The following WDFY3 variants were observed in gnomAD, a reference collection of about 807,000 sequenced individuals.
The protein encoded by WDFY3 is WD repeat and FYVE domain containing 3.
In WDFY3, 66 loss-of-function variants were observed where a neutral mutation model predicts 409.6. That is an observed-to-expected ratio of 0.16 (90% CI 0.13 to 0.20). WDFY3 has a LOEUF of 0.20. Among genes scored for constraint, WDFY3 ranks in the 10% least tolerant of loss-of-function variants. The pLI, the probability that WDFY3 is intolerant of heterozygous loss-of-function variation, is 1.00. For missense variants in WDFY3, 3,031 were observed against 4,298.1 expected (o/e 0.71, Z 8.24); for synonymous variants, 1,521 against 1,537.1 (o/e 0.99, Z 0.25).
intron 27 of WDFY3, among the ~76,000 whole-genome samples, chr4:84,777,129 G>A (rs1030206794): frequency 6.6e-6 from 1 of 152,050 alleles, no homozygotes; most frequent in Non-Finnish European, 1.5e-5. Flanking sequence ...GTTATTAAGA[G>A]AAATAGAGAA....
At chr4:84,690,432 T>C in intron 61 of WDFY3, 74 bp downstream of exon 61, 1 of 1,600,964 alleles carries the variant, frequency 6.2e-7, no homozygotes, top group Non-Finnish European at 8.5e-7. Context: ...TTAAGGAAGC[T>C]TTTTACTTCC....
intron 50 of WDFY3, 100 bp from the exon 51 acceptor site, chr4:84,713,339 G>T: frequency 9.5e-7 from 1 of 1,047,936 alleles, no homozygotes; most frequent in Non-Finnish European, 1.5e-6. Flanking sequence ...TCATAGTTGC[G>T]TCTACCCTCC....
intron 3 of WDFY3, among the ~76,000 whole-genome samples, chr4:84,865,711 C>T (rs1474135066): frequency 6.6e-6 from 1 of 152,168 alleles, no homozygotes; most frequent in Admixed American, 6.5e-5. Context: ...CACTGCAAAC[C>T]CCACTGGAAT....
chr4:84,791,229 A>C (rs1262516752), intron 21 of WDFY3, among the ~76,000 whole-genome samples: 1 of 152,222 alleles, frequency 6.6e-6, no homozygotes, highest in Non-Finnish European at 1.5e-5. Context: ...GCCTTAAAGA[A>C]GAAAATTTTG....
chr4:84,843,514 T>C (rs575196966), intron 5 of WDFY3, among the ~76,000 whole-genome samples: 44 of 152,070 alleles, frequency 2.9e-4, no homozygotes, highest in African/African-American at 1.1e-3. Context: ...TCCGCCTCAG[T>C]CCCCCATGTA....
chr4:84,808,251 C>T lies in WDFY3; in HGVS notation c.2429+83G>A, dbSNP rs1751857391. 4 of 1,115,868 alleles carry T rather than the reference C, an allele frequency of 3.6e-6. No individual in the cohort carries two copies. The Admixed American group carries it at 9.8e-5, about 27-fold the overall frequency. The allele number at this position is 1,115,868 out of a possible 1,614,324, so 69.1% of individuals were successfully genotyped here. A position where few individuals can be genotyped will look rare whatever the true frequency, so the allele number is the denominator to read the frequency against. On this transcript the variant is annotated intron_variant, in intron 15 of 67. Coordinates refer to ENST00000295888, the MANE Select transcript of WDFY3 (RefSeq NM_014991.6). ...AAAAAAAAACTGAAATCACAAAACA[C>T]AATCAACATGTTAACATAAATAAGC...
intron 33 of WDFY3, among the ~76,000 whole-genome samples, chr4:84,756,141 T>C (rs1741396888): frequency 6.6e-6 from 1 of 152,218 alleles, no homozygotes. Flanking sequence ...AAAGTCTTAC[T>C]ATTTTCCCAA....
chr4:84,779,079 A>T (rs1427411151), intron 26 of WDFY3, among the ~76,000 whole-genome samples: 1 of 152,148 alleles, frequency 6.6e-6, no homozygotes, highest in Non-Finnish European at 1.5e-5. Flanking sequence ...CACGGTCTTA[A>T]TAATTACAAT....
At chr4:84,877,399 T>A (rs556184417) in intron 3 of WDFY3, among the ~76,000 whole-genome samples, 1 of 152,246 alleles carries the variant, frequency 6.6e-6, no homozygotes, top group East Asian at 1.9e-4. Context: ...AGTTACATGA[T>A]CAGGGCTCAT....
intron 56 of WDFY3, among the ~76,000 whole-genome samples, chr4:84,700,342 T>A (rs1730878081): frequency 6.6e-6 from 1 of 152,148 alleles, no homozygotes; most frequent in African/African-American, 2.4e-5. Flanking sequence ...TAGCTGGGAC[T>A]ACAGGTGCAC....
At chr4:84,709,829 T>C (rs1290530631) in intron 51 of WDFY3, among the ~76,000 whole-genome samples, 1 of 152,154 alleles carries the variant, frequency 6.6e-6, no homozygotes, top group African/African-American at 2.4e-5. Flanking sequence ...TGGGTTCTAG[T>C]GATTCTCTGG....
intron 1 of WDFY3, among the ~76,000 whole-genome samples, chr4:84,953,131 C>T (rs1360456785): frequency 6.6e-6 from 1 of 151,438 alleles, no homozygotes; most frequent in Non-Finnish European, 1.5e-5. Context: ...TTGTCATTTG[C>T]CACAACATGA....
chr4:84,920,776 C>T (rs1769165364), intron 2 of WDFY3, among the ~76,000 whole-genome samples: 1 of 152,186 alleles, frequency 6.6e-6, no homozygotes, highest in African/African-American at 2.4e-5. Flanking sequence ...TCATTTCCTT[C>T]CGGTTCTATA....
chr4:84,695,448 C>CGTGTGTGTGTGTGTGTGT (rs150816589), intron 58 of WDFY3, among the ~76,000 whole-genome samples: 1 of 136,054 alleles, frequency 7.4e-6, no homozygotes, highest in Non-Finnish European at 1.6e-5. Context: ...ATTTGGGTCC[C>CGTGTGTGTGTGTGTGTGT]GTGTGTGTGT....
intron 44 of WDFY3, among the ~76,000 whole-genome samples, chr4:84,729,313 C>A (rs1186566525): frequency 6.6e-6 from 1 of 151,688 alleles, no homozygotes; most frequent in Non-Finnish European, 1.5e-5. Flanking sequence ...TTCAGCATAT[C>A]CCAGGCTTAC....
At chr4:84,923,999 T>C (rs1769647484) in intron 2 of WDFY3, among the ~76,000 whole-genome samples, 1 of 152,208 alleles carries the variant, frequency 6.6e-6, no homozygotes, top group African/African-American at 2.4e-5. Flanking sequence ...GCAAAAACTG[T>C]AATCAGCTTA....
intron 3 of WDFY3, among the ~76,000 whole-genome samples, chr4:84,885,493 A>C (rs1274263033): frequency 6.6e-6 from 1 of 152,100 alleles, no homozygotes; most frequent in East Asian, 1.9e-4. Context: ...ACTGTAAGCC[A>C]ACAAAAAAAG....
rs1467395883 is a variant in WDFY3, at chr4:84,874,154, C to T, written c.-31-13532G>A. 2.0e-5 allele frequency among the ~76,000 whole-genome samples: 3 copies of T among 151,806 alleles called. No homozygotes were observed. The East Asian group carries it at 6.0e-4, about 30-fold the overall frequency. Reference sequence around the variant, plus strand: ...AGAGACCGGGCGAGGTGGCTCACACCTGTAATCCCAGCACTTTGTGAGGCT... The same window carrying T: ...AGAGACCGGGCGAGGTGGCTCACACTTGTAATCCCAGCACTTTGTGAGGCT... On this transcript the variant is annotated intron_variant, in intron 3 of 67. Coordinates refer to ENST00000295888, the MANE Select transcript of WDFY3 (RefSeq NM_014991.6).
At chr4:84,718,772 C>A (rs556031657) in intron 47 of WDFY3, among the ~76,000 whole-genome samples, 15 of 152,298 alleles carry the variant, frequency 9.8e-5, no homozygotes, top group African/African-American at 3.6e-4. Context: ...ACTCATCTGC[C>A]AATCCCATCT....
Sources: gnomAD v4.1 joint callset for allele counts (sites outside exome capture counted in the v4.1 genomes callset) on GRCh38, gnomAD v4.1.1 for gene constraint, MANE v1.5 for transcripts, NCBI Gene and HGNC (gene_info 2026-07-23, HGNC 2026-07-21) for gene names.